SLC2A2: variants seen among roughly 807,000 people sequenced by gnomAD.
The protein encoded by SLC2A2 is solute carrier family 2, facilitated glucose transporter member 2.
SLC2A2 carries 36 observed loss-of-function variants against 54.5 expected under a neutral mutation model. That is an observed-to-expected ratio of 0.66 (90% confidence interval 0.51 to 0.87). SLC2A2 has a LOEUF of 0.87. Ranked by LOEUF, SLC2A2 falls within the 40% of genes least tolerant of loss-of-function variation. SLC2A2 has a pLI of 0.00. For missense variants in SLC2A2, 543 were observed against 624.3 expected (o/e 0.87, Z 1.39); for synonymous variants, 223 against 219.1 (o/e 1.02, Z -0.16).
rs561765982 is a variant in SLC2A2 at position 171,014,698 on chromosome 3, C to T, written c.142G>A (p.Val48Ile). ...IISHYRHVLG[V>I]PLDDRKAINN... is the part of the protein sequence containing the mutation. ...ATAGCTTTTCGGTCATCCAGTGGAACACCCAAAACATGTCTATAGTGAGAT... is the reference window on the plus strand; with the variant it reads ...ATAGCTTTTCGGTCATCCAGTGGAATACCCAAAACATGTCTATAGTGAGAT... Residue 48 changes from valine (V) to isoleucine (I), a missense_variant, in exon 3 of 11, where the codon GTT (valine) becomes ATT (isoleucine). Physicochemically the swap from Val to Ile is conservative, Grantham distance 29. Around this residue, in one of 3 missense-constraint regions of SLC2A2, gnomAD observed 318 missense variants for 343.8 expected, o/e 0.93. Transcript: ENST00000314251. 6 of 1,613,382 alleles carry T rather than the reference C, an allele frequency of 3.7e-6. No homozygotes were observed. The highest frequency in any genetic ancestry group is 1.3e-5 in the African/African-American group (1 of 75,046).
At chr3:171,016,150 C>T (rs553702405) in intron 2 of SLC2A2, among the ~76,000 whole-genome samples, 5 of 152,192 alleles carry the variant, frequency 3.3e-5, no homozygotes, top group Non-Finnish European at 7.4e-5. Context: ...AGACATTTGT[C>T]TCAGACTGGG....
intron 2 of SLC2A2, among the ~76,000 whole-genome samples, chr3:171,017,033 G>T (rs991587869): frequency 1.3e-5 from 2 of 151,866 alleles, no homozygotes; most frequent in African/African-American, 4.8e-5. Flanking sequence ...TGTATTTTTA[G>T]TAGAGACAGG....
At chr3:171,005,554 T>C in intron 6 of SLC2A2, 82 bp from the exon 7 acceptor site, 1 of 1,104,268 alleles carries the variant, frequency 9.1e-7, no homozygotes, top group Non-Finnish European at 1.4e-6. Context: ...AAGAGCTACA[T>C]TTCTGCATGC....
chr3:171,015,064 G>A (rs1459986239), intron 2 of SLC2A2, among the ~76,000 whole-genome samples: 5 of 152,218 alleles, frequency 3.3e-5, no homozygotes, highest in South Asian at 2.1e-4. Flanking sequence ...AGCTGCAAAC[G>A]TGAAACTGGT....
chr3:171,019,097 G>GTATATATATATGTGTGTGTGTGTATA (rs1716311346), intron 1 of SLC2A2, among the ~76,000 whole-genome samples: 2 of 20,154 alleles, frequency 9.9e-5, no homozygotes, highest in East Asian at 2.6e-3. Flanking sequence ...GTGTGTGTGT[G>GTATATATATATGTGTGTGTGTGTATA]TATATATATA....
intron 3 of SLC2A2, among the ~76,000 whole-genome samples, chr3:171,012,112 G>GTCATCATCA (rs554180180): frequency 6.6e-6 from 1 of 151,606 alleles, no homozygotes; most frequent in Non-Finnish European, 1.5e-5. Context: ...GGTCATTGTC[G>GTCATCATCA]TCATCATCAT....
At chr3:171,021,910 C>A (rs1436259721) in intron 1 of SLC2A2, among the ~76,000 whole-genome samples, 1 of 152,184 alleles carries the variant, frequency 6.6e-6, no homozygotes, top group Non-Finnish European at 1.5e-5. Context: ...ATCTCTCTGG[C>A]ACTGACAAGT....
At chr3:171,008,883 A>G (rs139237000) in intron 4 of SLC2A2, among the ~76,000 whole-genome samples, 65 of 152,256 alleles carry the variant, frequency 4.3e-4, no homozygotes, top group African/African-American at 1.3e-3. Context: ...TTTATTAACA[A>G]TGAAAATAAT....
At position 171,002,610 on chromosome 3, in the gene SLC2A2, A is replaced by G. The variant is rs1050103029; in HGVS notation, c.1034T>C (p.Val345Ala). 2.5e-6 allele frequency: 4 copies of G among 1,611,070 alleles called. No individual in the cohort carries two copies. The highest frequency in any genetic ancestry group is 2.7e-5 in the African/African-American group (2 of 74,768). ...ISKPVYATIG[V>A]GAVNMVFTAV... ...AGTGAAAACCATGTTTACAGCGCCA[A>G]CTCCAATGGTTGCATAAACAGGTTT... is the stretch of plus-strand genomic sequence containing the variant. Residue 345 changes from valine (V) to alanine (A), a missense_variant, in exon 8 of 11, where the codon GTT becomes GCT. Transcript: ENST00000314251.
intron 1 of SLC2A2, among the ~76,000 whole-genome samples, chr3:171,019,117 ATATATACGTATG>A (rs1225880457): frequency 4.4e-3 from 25 of 5,618 alleles, no homozygotes; most frequent in African/African-American, 5.2e-3. Flanking sequence ...ATATATATAT[ATATATACGTATG>A]TATATATATA....
intron 1 of SLC2A2, among the ~76,000 whole-genome samples, chr3:171,022,184 T>G (rs1716494325): frequency 6.6e-6 from 1 of 152,350 alleles, no homozygotes; most frequent in Non-Finnish European, 1.5e-5. Context: ...ATCTCACAGT[T>G]AGTAAATTAA....
chr3:171,016,832 A>G (rs2108259728), intron 2 of SLC2A2, among the ~76,000 whole-genome samples: 1 of 147,178 alleles, frequency 6.8e-6, no homozygotes, highest in African/African-American at 2.5e-5. Flanking sequence ...CTAAGACTGG[A>G]GGGGATGGTT....
At chr3:171,019,057 A>ATGTGTG (rs762355106) in intron 1 of SLC2A2, among the ~76,000 whole-genome samples, 2 of 137,824 alleles carry the variant, frequency 1.5e-5, no homozygotes, top group African/African-American at 5.6e-5. Context: ...ATTTGTTGAT[A>ATGTGTG]TGTGTGTGTG....
intron 8 of SLC2A2, among the ~76,000 whole-genome samples, chr3:171,001,670 A>G (rs1387529356): frequency 6.6e-6 from 1 of 152,058 alleles, no homozygotes; most frequent in East Asian, 1.9e-4. Context: ...AGATAAAAAT[A>G]AGCTCAATGA....
intron 1 of SLC2A2, among the ~76,000 whole-genome samples, chr3:171,021,883 G>C (rs1716481840): frequency 6.6e-6 from 1 of 152,184 alleles, no homozygotes; most frequent in African/African-American, 2.4e-5. Flanking sequence ...GGGCAGGTCA[G>C]GTCCTTCTCA....
rs1360464436 is a variant in SLC2A2, at chr3:171,014,727, A to T, written c.113T>A (p.Ile38Lys). The T allele has an allele frequency of 6.2e-7, 1 of 1,612,288 alleles. No individual in the cohort carries two copies. The highest frequency in any genetic ancestry group is 1.1e-5 in the South Asian group (1 of 91,032). The change falls in exon 3 of 11, where the codon ATA (isoleucine) becomes AAA (lysine). Residue 38 changes from isoleucine to lysine, a missense_variant. Ile to Lys is a moderately radical substitution (Grantham distance 102). Coordinates refer to ENST00000314251, the MANE Select transcript of SLC2A2 (RefSeq NM_000340.2). ...IGVINAPQQV[I>K]ISHYRHVLGV... ...CAAAACATGTCTATAGTGAGATATTATTACCTAGGAGATAAAGAAAAATAG... is the reference window on the plus strand; with the variant it reads ...CAAAACATGTCTATAGTGAGATATTTTTACCTAGGAGATAAAGAAAAATAG...
At chr3:171,008,706 C>T (rs1715735387) in intron 4 of SLC2A2, among the ~76,000 whole-genome samples, 1 of 151,840 alleles carries the variant, frequency 6.6e-6, no homozygotes, top group Non-Finnish European at 1.5e-5. Context: ...GGACTTCGTT[C>T]ATAGTGTTAT....
At chr3:171,022,837 C>T (rs377528004) in intron 1 of SLC2A2, among the ~76,000 whole-genome samples, 1 of 152,202 alleles carries the variant, frequency 6.6e-6, no homozygotes. Context: ...ACTCCCCTGT[C>T]GTCTCCATTA....
At chr3:171,006,179 A>G (rs944334707) in intron 5 of SLC2A2, 74 bp from the exon 6 acceptor site, 3 of 1,424,820 alleles carry the variant, frequency 2.1e-6, no homozygotes, top group South Asian at 2.4e-5. Flanking sequence ...TTGTTGAAAA[A>G]GTACTTTGGC....
Sources: allele counts gnomAD v4.1 joint callset (sites outside exome capture counted in the v4.1 genomes callset), GRCh38; gene constraint gnomAD v4.1.1; regional missense constraint gnomAD v4.1.1; transcripts MANE v1.5; gene names NCBI Gene and HGNC (gene_info 2026-07-23, HGNC 2026-07-21).